TRMT9B: variants seen among roughly 807,000 people sequenced by gnomAD.
The protein encoded by TRMT9B is tRNA methyltransferase 9B (putative), also known as probable tRNA methyltransferase 9B.
TRMT9B carries 16 observed loss-of-function variants against 11.5 expected under a neutral mutation model. The observed-to-expected ratio is 1.39, with a 90% CI of 0.94 to 2.11. The LOEUF (loss-of-function observed/expected upper bound fraction) is 2.11. TRMT9B is among the 30% of genes most tolerant of loss of function. TRMT9B has a pLI of 0.00. For synonymous variants in TRMT9B, 274 were observed against 192.4 expected (o/e 1.42, Z -3.51); for missense variants, 941 against 553.8 (o/e 1.70, Z -7.02).
chr8:12,948,269 T>C (rs1011376393), intron 1 of TRMT9B, among the ~76,000 whole-genome samples: 13 of 152,082 alleles, frequency 8.5e-5, no homozygotes, highest in African/African-American at 3.1e-4. Flanking sequence ...ATGTAATTTA[T>C]TGAATCCTGT....
chr8:13,027,682 A>G lies in TRMT9B; in HGVS notation c.*5638A>G, dbSNP rs1018436642. 1.2e-5 allele frequency: 2 copies of G among 167,124 alleles called. No individual in the cohort carries two copies. Among genetic ancestry groups the G allele is most frequent in the Non-Finnish European group, 2.9e-5 (2 of 68,128 alleles). The allele number at this position is 167,124 out of a possible 1,614,324, so 10.4% of individuals were successfully genotyped here. On this transcript the variant is annotated 3_prime_UTR_variant, in exon 5 of 5. Coordinates refer to ENST00000524591, the MANE Select transcript of TRMT9B (RefSeq NM_020844.3). ...GATATATACTTGGATTTCAAATGCC[A>G]TAATTGTAATCTTTCTCCAAAGAAA...
chr8:12,990,576 C>T (rs78594142), intron 1 of TRMT9B, among the ~76,000 whole-genome samples: 3,861 of 152,206 alleles, frequency 0.025, 60 homozygotes, highest in Middle Eastern at 0.054. Context: ...GCAATTTTCC[C>T]AGGAACAAGA....
intron 1 of TRMT9B, among the ~76,000 whole-genome samples, chr8:12,948,832 C>T (rs2977094): frequency 0.29 from 43,613 of 151,812 alleles, 6,613 homozygotes; most frequent in East Asian, 0.52. Flanking sequence ...TGGTGGCAGG[C>T]GCCTGTAGTC....
At chr8:12,950,417 C>A (rs968197124) in intron 1 of TRMT9B, among the ~76,000 whole-genome samples, 1 of 152,212 alleles carries the variant, frequency 6.6e-6, no homozygotes, top group East Asian at 1.9e-4. Flanking sequence ...GTATCCAATA[C>A]GTCTTCTGTG....
chr8:13,016,253 T>A (rs1049876959), intron 4 of TRMT9B, among the ~76,000 whole-genome samples: 12 of 146,252 alleles, frequency 8.2e-5, no homozygotes, highest in African/African-American at 3.0e-4. Flanking sequence ...AAAATATAAA[T>A]GTGAAATATA....
chr8:12,999,298 CAAAAAA>C (rs71207111), intron 2 of TRMT9B, among the ~76,000 whole-genome samples: 1 of 47,640 alleles, frequency 2.1e-5, no homozygotes. Flanking sequence ...GACTCCATCT[CAAAAAA>C]AAAAAAAAAA....
intron 1 of TRMT9B, among the ~76,000 whole-genome samples, chr8:12,990,347 C>A (rs138443068): frequency 2.2e-3 from 337 of 152,068 alleles, no homozygotes; most frequent in African/African-American, 7.8e-3. Context: ...AACTAAAAGC[C>A]TTTTGATGGG....
At chr8:13,009,738 G>C (rs540465050) in intron 3 of TRMT9B, among the ~76,000 whole-genome samples, 95 of 151,828 alleles carry the variant, frequency 6.3e-4, no homozygotes, top group African/African-American at 2.2e-3. Flanking sequence ...ATTTATTATA[G>C]AGCTACCCAG....
At chr8:12,975,963 T>C (rs562854739) in intron 1 of TRMT9B, among the ~76,000 whole-genome samples, 25 of 152,230 alleles carry the variant, frequency 1.6e-4, no homozygotes, top group African/African-American at 6.0e-4. Flanking sequence ...ATTTTCTCAG[T>C]TCTATATGAG....
rs754223310 is a variant in TRMT9B, at chr8:13,021,621, A to G, written c.942A>G (p.Glu314=). Residue 314 remains glutamate (E), a synonymous_variant, in exon 5 of 5, where the codon GAA becomes GAG. Coordinates refer to ENST00000524591, the MANE Select transcript of TRMT9B (RefSeq NM_020844.3). ...GTTTAGATGAGGAAGTGTTTGTGGAATCTTCTTCTGGAAAACACTTGGAGT... is the reference window on the plus strand; with the variant it reads ...GTTTAGATGAGGAAGTGTTTGTGGAGTCTTCTTCTGGAAAACACTTGGAGT... ...GQSLDEEVFV[E]SSSGKHLEWL... The G allele has an allele frequency of 5.6e-6, 9 of 1,613,772 alleles. 1 individual carries two copies. In the South Asian group the frequency reaches 8.8e-5, roughly 16 times the overall value.
At position 13,026,812 on chromosome 8, in the gene TRMT9B, C is replaced by A. The variant is rs78891225; in HGVS notation, c.*4768C>A. On this transcript the variant is annotated 3_prime_UTR_variant, in exon 5 of 5. Transcript: ENST00000524591. The stretch of plus-strand genomic sequence containing the variant: ...CATATACTCCCACCCCTGGGCCCAG[C>A]TCATGTGCTTGGCGGAGTATTAGAG... 6.0e-6 allele frequency: 1 copy of A among 167,060 alleles called. No homozygotes were observed. Among genetic ancestry groups the A allele is most frequent in the East Asian group, 1.9e-4 (1 of 5,202 alleles). 10.3% of individuals were successfully genotyped at this position (167,060 alleles called of 1,614,324 possible).
At chr8:12,991,900 C>T (rs967946460) in intron 2 of TRMT9B, among the ~76,000 whole-genome samples, 1 of 152,160 alleles carries the variant, frequency 6.6e-6, no homozygotes, top group African/African-American at 2.4e-5. Flanking sequence ...CACTGCACTC[C>T]AGGCTGGGCA....
At chr8:12,958,884 A>C (rs1801665427) in intron 1 of TRMT9B, 1 of 152,184 alleles carries the variant, frequency 6.6e-6, no homozygotes, top group Non-Finnish European at 1.5e-5. Flanking sequence ...CATAGGTGGG[A>C]ATTGAACAAT....
At chr8:12,946,295 C>G (rs1263612325) in intron 1 of TRMT9B, among the ~76,000 whole-genome samples, 1 of 151,900 alleles carries the variant, frequency 6.6e-6, no homozygotes, top group East Asian at 1.9e-4. Context: ...GCAGATTAAG[C>G]AATTAGTGTA....
At chr8:12,947,047 A>T (rs1342725992) in intron 1 of TRMT9B, among the ~76,000 whole-genome samples, 2 of 152,234 alleles carry the variant, frequency 1.3e-5, no homozygotes, top group African/African-American at 4.8e-5. Context: ...CCAAAATGAC[A>T]AAGACAGCTC....
intron 4 of TRMT9B, among the ~76,000 whole-genome samples, chr8:13,017,780 A>T (rs1813009974): frequency 6.6e-6 from 1 of 151,090 alleles, no homozygotes; most frequent in African/African-American, 2.4e-5. Context: ...CGCCCAGCTA[A>T]TTTTTTTTAT....
chr8:12,964,793 C>T (rs1407575917), intron 1 of TRMT9B, among the ~76,000 whole-genome samples: 2 of 152,118 alleles, frequency 1.3e-5, no homozygotes, highest in East Asian at 1.9e-4. Flanking sequence ...GGTGTCACTA[C>T]GATGCCTAGG....
chr8:13,022,640 C>A lies in TRMT9B; in HGVS notation c.*596C>A, dbSNP rs971359870. On this transcript the variant is annotated 3_prime_UTR_variant, in exon 5 of 5. Coordinates refer to ENST00000524591, the MANE Select transcript of TRMT9B (RefSeq NM_020844.3). ...CTTTACTAAATTATAAGCAAACTTG[C>A]TTCAAAATAAGTTGACATGTGATAA... The A allele has an allele frequency of 6.0e-6, 1 of 167,076 alleles. No homozygotes were observed. The highest frequency in any genetic ancestry group is 2.4e-5 in the African/African-American group (1 of 41,444). The allele number at this position is 167,076 out of a possible 1,614,324, so 10.3% of individuals were successfully genotyped here.
At chr8:12,947,057 C>G (rs939002495) in intron 1 of TRMT9B, among the ~76,000 whole-genome samples, 8 of 152,214 alleles carry the variant, frequency 5.3e-5, no homozygotes, top group Non-Finnish European at 8.8e-5. Flanking sequence ...AAAGACAGCT[C>G]TTGGTTAGCA....
Sources: gnomAD v4.1 joint callset for allele counts (sites outside exome capture counted in the v4.1 genomes callset) on GRCh38, gnomAD v4.1.1 for gene constraint, MANE v1.5 for transcripts, NCBI Gene and HGNC (gene_info 2026-07-23, HGNC 2026-07-21) for gene names.